Variants in TOP1MT observed in about 807,000 individuals in gnomAD.
TOP1MT encodes DNA topoisomerase I mitochondrial.
TOP1MT carries 80 observed loss-of-function variants against 73.9 expected under a neutral mutation model. That is an observed-to-expected ratio of 1.08 (90% CI 0.90 to 1.30). TOP1MT has a LOEUF of 1.30. Ranked by LOEUF, TOP1MT falls within the 50% of genes most tolerant of loss-of-function variation. The pLI is 0.00. For synonymous variants in TOP1MT, 338 were observed against 326.4 expected (o/e 1.04, Z -0.38); for missense variants, 815 against 808.0 (o/e 1.01, Z -0.10).
upstream of TOP1MT, among the ~76,000 whole-genome samples, chr8:143,337,488 A>G (rs983246652): frequency 6.6e-6 from 1 of 152,256 alleles, no homozygotes; most frequent in African/African-American, 2.4e-5. Context: ...GTTTTTACAG[A>G]AATTGACAAC....
chr8:143,349,310 AC>A (rs1817282192), upstream of TOP1MT, among the ~76,000 whole-genome samples: 5 of 53,546 alleles, frequency 9.3e-5, no homozygotes. Flanking sequence ...CCCCCCTCCC[AC>A]CCCCCTGCCC....
chr8:143,349,687 T>A (rs13281276), upstream of TOP1MT, among the ~76,000 whole-genome samples: 10,196 of 150,850 alleles, frequency 0.068, 447 homozygotes, highest in Non-Finnish European at 0.093. Flanking sequence ...GTCACCCAGG[T>A]TGGAGTGCAG....
chr8:143,325,558 A>G (rs760430103), intron 4 of TOP1MT, 25 bp from the exon 5 acceptor site: 26 of 1,595,026 alleles, frequency 1.6e-5, no homozygotes, highest in Non-Finnish European at 2.2e-5. Flanking sequence ...CAGTCAGTGG[A>G]CATTAGCAGT....
chr8:143,322,051 CA>C (rs1816431063), intron 7 of TOP1MT, among the ~76,000 whole-genome samples: 2 of 113,700 alleles, frequency 1.8e-5, no homozygotes, highest in African/African-American at 6.2e-5. Context: ...GCATGCCACA[CA>C]CACAGGCACG....
chr8:143,351,443 G>A (rs866254593), intron 1 of TOP1MT, among the ~76,000 whole-genome samples: 1 of 152,040 alleles, frequency 6.6e-6, no homozygotes, highest in Non-Finnish European at 1.5e-5. Flanking sequence ...CAAGAGTGAC[G>A]CATGCCTGTA....
At chr8:143,354,281 A>G (rs887755167) in intron 1 of TOP1MT, among the ~76,000 whole-genome samples, 1 of 152,110 alleles carries the variant, frequency 6.6e-6, no homozygotes, top group Non-Finnish European at 1.5e-5. Context: ...AACACCTGAC[A>G]TGAAAGAAGC....
intron 2 of TOP1MT, among the ~76,000 whole-genome samples, chr8:143,339,925 A>G (rs1308734955): frequency 2.3e-5 from 2 of 85,998 alleles, no homozygotes; most frequent in African/African-American, 1.1e-4. Context: ...ACTGGTCTAC[A>G]CAGCATTACC....
At chr8:143,323,556 G>T (rs539555916) in intron 7 of TOP1MT, among the ~76,000 whole-genome samples, 11 of 80,376 alleles carry the variant, frequency 1.4e-4, no homozygotes, top group Non-Finnish European at 2.1e-4. Flanking sequence ...ACACACGCAC[G>T]CCACACACAT....
chr8:143,325,482 A>T lies in TOP1MT; in HGVS notation c.535T>A (p.Leu179Ile). The change falls in exon 5 of 14, where the codon TTA (leucine) becomes ATA (isoleucine). Residue 179 changes from leucine to isoleucine, a missense_variant. By Grantham distance (5) the Leu-to-Ile change is conservative (BLOSUM62 2). Coordinates refer to ENST00000329245, the MANE Select transcript of TOP1MT (RefSeq NM_052963.3). ...CCTATTTTTTCTTGGTGACCATCTAAAATACAGTAGCCGAACTCTTGCTGA... is the reference window on the plus strand; with the variant it reads ...CCTATTTTTTCTTGGTGACCATCTATAATACAGTAGCCGAACTCTTGCTGA... ...KLQQEFGYCI[L>I]DGHQEKIGNF... 6.2e-7 allele frequency: 1 copy of T among 1,613,042 alleles called. No homozygotes were observed. The highest frequency in any genetic ancestry group is 8.5e-7 in the Non-Finnish European group (1 of 1,179,064).
chr8:143,319,913 C>G (rs1816282494), intron 8 of TOP1MT, among the ~76,000 whole-genome samples: 1 of 151,448 alleles, frequency 6.6e-6, no homozygotes, highest in African/African-American at 2.4e-5. Flanking sequence ...ATCACGAGGT[C>G]AAGAGTTCAA....
chr8:143,326,846 G>A (rs977095384), intron 3 of TOP1MT, among the ~76,000 whole-genome samples: 15 of 152,210 alleles, frequency 9.9e-5, no homozygotes, highest in African/African-American at 3.4e-4. Flanking sequence ...ACCGGGGACT[G>A]GTCAGTTGTA....
intron 2 of TOP1MT, among the ~76,000 whole-genome samples, chr8:143,342,919 A>G (rs922140379): frequency 2.0e-5 from 3 of 151,324 alleles, no homozygotes; most frequent in South Asian, 2.1e-4. Context: ...CGACCACCAC[A>G]CCCGGCTAAT....
At chr8:143,340,645 C>T (rs1054871213) in intron 2 of TOP1MT, among the ~76,000 whole-genome samples, 3 of 152,200 alleles carry the variant, frequency 2.0e-5, no homozygotes, top group African/African-American at 7.2e-5. Context: ...GAGGCCACGC[C>T]GCTGGCTGTG....
intron 4 of TOP1MT, 50 bp downstream of exon 4, chr8:143,326,172 C>G (rs753133257): frequency 4.4e-6 from 7 of 1,604,988 alleles, no homozygotes; most frequent in Non-Finnish European, 6.0e-6. Flanking sequence ...AGGCCGGCCT[C>G]TCGTTCCCAG....
intron 10 of TOP1MT, among the ~76,000 whole-genome samples, chr8:143,316,395 AG>A (rs1490423885): frequency 2.5e-5 from 1 of 40,452 alleles, no homozygotes; most frequent in Non-Finnish European, 7.3e-5. Context: ...CATGGCAAGG[AG>A]GAGGCCCAGC....
chr8:143,349,278 C>T (rs1386366872), upstream of TOP1MT, among the ~76,000 whole-genome samples: 1 of 152,094 alleles, frequency 6.6e-6, no homozygotes, highest in African/African-American at 2.4e-5. Flanking sequence ...AGCTCTCAGG[C>T]ACACGGCACC....
intron 8 of TOP1MT, among the ~76,000 whole-genome samples, chr8:143,319,140 T>C (rs140091412): frequency 9.3e-4 from 142 of 152,172 alleles, no homozygotes; most frequent in African/African-American, 3.3e-3. Context: ...ATTAATTCAT[T>C]CCTTAGGAAT....
At chr8:143,309,694 A>G (rs759184043) in intron 13 of TOP1MT, 151 bp from the exon 14 acceptor site, 1 of 1,513,486 alleles carries the variant, frequency 6.6e-7, no homozygotes, top group South Asian at 1.2e-5. Context: ...GGCCAACCCC[A>G]CCCCACGCAT....
At chr8:143,357,743 G>A (rs1817435307), upstream of TOP1MT, among the ~76,000 whole-genome samples, 1 of 152,124 alleles carries the variant, frequency 6.6e-6, no homozygotes. Flanking sequence ...CCAACATGGT[G>A]AAATCACGTA....
Sources: allele counts gnomAD v4.1 joint callset (sites outside exome capture counted in the v4.1 genomes callset), GRCh38; gene constraint gnomAD v4.1.1; transcripts MANE v1.5; gene names NCBI Gene and HGNC (gene_info 2026-07-23, HGNC 2026-07-21).